Variants in SCAPER observed in about 807,000 individuals in gnomAD.
The protein encoded by SCAPER is S-phase cyclin A associated protein in the ER, also known as S phase cyclin A-associated protein in the endoplasmic reticulum.
A neutral mutation model predicts 182.2 loss-of-function variants in SCAPER; 98 were observed. That is an observed-to-expected ratio of 0.54 (90% CI 0.46 to 0.64). SCAPER has a LOEUF of 0.64. Ranked by LOEUF, SCAPER falls within the 30% of genes least tolerant of loss-of-function variation. The probability of loss-of-function intolerance (pLI) is 0.00; values close to 1 mark genes in which losing one functional copy is unlikely to be tolerated. For missense variants in SCAPER, 1,432 were observed against 1,690.0 expected, an observed-to-expected ratio of 0.85 and a Z score of 2.68; for synonymous variants, 605 against 564.6, an observed-to-expected ratio of 1.07 and a Z score of -1.01.
chr15:76,884,023 T>C (rs1278898323), intron 1 of SCAPER, 147 bp from the exon 2 acceptor site: 4 of 511,606 alleles, frequency 7.8e-6, no homozygotes, highest in East Asian at 3.7e-5. Flanking sequence ...GGGTATAATA[T>C]AGCATGCTTT....
At chr15:76,741,643 G>GA (rs570553435) in intron 15 of SCAPER, among the ~76,000 whole-genome samples, 3 of 152,044 alleles carry the variant, frequency 2.0e-5, no homozygotes, top group African/African-American at 7.2e-5. Flanking sequence ...GAAGATGTCA[G>GA]AAAAAATCAG....
intron 10 of SCAPER, among the ~76,000 whole-genome samples, chr15:76,769,741 G>A (rs891089827): frequency 1.5e-4 from 23 of 152,124 alleles, no homozygotes; most frequent in African/African-American, 5.6e-4. Context: ...TTCAACTATT[G>A]TGGAAGACTT....
At chr15:76,386,302 T>C (rs1047247126) in intron 27 of SCAPER, among the ~76,000 whole-genome samples, 2 of 152,312 alleles carry the variant, frequency 1.3e-5, no homozygotes, top group African/African-American at 2.4e-5. Flanking sequence ...GATTCAAATA[T>C]AGATACTATT....
At chr15:76,793,205 G>A in intron 8 of SCAPER, 1 of 1,154,036 alleles carries the variant, frequency 8.7e-7, no homozygotes, top group East Asian at 2.6e-5. Context: ...TATAGCTACT[G>A]TTATTATATA....
rs777525077 is a variant in SCAPER at position 76,779,385 on chromosome 15, C to T, written c.773-4268G>A. The stretch of plus-strand genomic sequence containing the variant: ...GGAACATTACTACAGATCTTCCACC[C>T]ATTAAAAGTATAAGAAAGGAATACT... On this transcript the variant is annotated intron_variant, in intron 8 of 31. Transcript: ENST00000563290. Among the ~76,000 whole-genome samples, 75 of 152,186 alleles carry T rather than the reference C, an allele frequency of 4.9e-4. 1 individual carries two copies. The highest frequency in any genetic ancestry group is 8.8e-4 in the Non-Finnish European group (60 of 67,986).
At chr15:76,516,216 T>A (rs533443892) in intron 23 of SCAPER, among the ~76,000 whole-genome samples, 69 of 151,922 alleles carry the variant, frequency 4.5e-4, no homozygotes, top group Middle Eastern at 3.4e-3. Context: ...TTTTAAAAAA[T>A]TTTTTAAATT....
chr15:76,546,355 GA>G lies in SCAPER; in HGVS notation c.2838+27802del, dbSNP rs543240937. On this transcript the variant is annotated intron_variant, in intron 23 of 31. Transcript: ENST00000563290. ...TATGTACCTACTGTCTACATCTAAA[GA>G]TGTTTTTTCAACTGTGCTTTTCTAA... is the stretch of plus-strand genomic sequence containing the variant. Among the ~76,000 whole-genome samples the G allele has an allele frequency of 2.1e-3, 325 of 152,042 alleles. 3 individuals carry two copies. The highest frequency in any genetic ancestry group is 7.3e-3 in the African/African-American group (301 of 41,490).
At chr15:76,375,548 T>A (rs2042498908) in intron 29 of SCAPER, among the ~76,000 whole-genome samples, 1 of 152,048 alleles carries the variant, frequency 6.6e-6, no homozygotes, top group Non-Finnish European at 1.5e-5. Context: ...GCAGACTCCA[T>A]GTGGTAAGGA....
chr15:76,623,883 G>A (rs765881101), intron 21 of SCAPER, among the ~76,000 whole-genome samples: 5 of 152,024 alleles, frequency 3.3e-5, no homozygotes, highest in Non-Finnish European at 5.9e-5. Context: ...ACCCTCAACA[G>A]ACTAGAATTG....
intron 5 of SCAPER, among the ~76,000 whole-genome samples, chr15:76,826,802 T>C (rs1718837789): frequency 6.6e-6 from 1 of 152,192 alleles, no homozygotes; most frequent in African/African-American, 2.4e-5. Context: ...TTGAATAAAA[T>C]ATAAGTCCAC....
At chr15:76,657,588 CA>C (rs35243291) in intron 21 of SCAPER, among the ~76,000 whole-genome samples, 36 of 129,810 alleles carry the variant, frequency 2.8e-4, no homozygotes, top group Admixed American at 4.6e-4. Context: ...GACACAACAA[CA>C]AAAAAAAAAA....
At chr15:76,873,375 CAGGCAGGCAGGCAT>C (rs2072911439) in intron 2 of SCAPER, among the ~76,000 whole-genome samples, 2 of 124,274 alleles carry the variant, frequency 1.6e-5, no homozygotes, top group African/African-American at 6.1e-5. Flanking sequence ...GGCAGGCAGG[CAGGCAGGCAGGCAT>C]CTCTAGGGTG....
chr15:76,525,973 A>C (rs1597199497), intron 23 of SCAPER, among the ~76,000 whole-genome samples: 1 of 152,176 alleles, frequency 6.6e-6, no homozygotes, highest in Non-Finnish European at 1.5e-5. Flanking sequence ...TTACGTTCCC[A>C]CCAACAGAGT....
chr15:76,702,356 A>C (rs987794524), intron 19 of SCAPER, among the ~76,000 whole-genome samples: 8 of 152,130 alleles, frequency 5.3e-5, no homozygotes, highest in African/African-American at 1.7e-4. Context: ...ATTCTTGAGC[A>C]CTTTTACTGC....
At chr15:76,508,840 T>C (rs1429778656) in intron 23 of SCAPER, among the ~76,000 whole-genome samples, 2 of 152,154 alleles carry the variant, frequency 1.3e-5, no homozygotes, top group Non-Finnish European at 2.9e-5. Flanking sequence ...GGTCAATCCT[T>C]CCTCCCTGAA....
chr15:76,668,297 T>C (rs2056773093), intron 20 of SCAPER, among the ~76,000 whole-genome samples: 1 of 152,178 alleles, frequency 6.6e-6, no homozygotes, highest in African/African-American at 2.4e-5. Context: ...CCATAGGTCT[T>C]TTCTCTATAA....
intron 22 of SCAPER, among the ~76,000 whole-genome samples, chr15:76,616,202 A>G (rs972916146): frequency 1.3e-5 from 2 of 152,240 alleles, no homozygotes; most frequent in African/African-American, 4.8e-5. Context: ...AGCATTATTC[A>G]TAATTGCTAA....
chr15:76,375,021 G>A (rs2042449042), intron 29 of SCAPER, among the ~76,000 whole-genome samples: 1 of 151,750 alleles, frequency 6.6e-6, no homozygotes, highest in Non-Finnish European at 1.5e-5. Context: ...GAGCCCAGGA[G>A]TTCAAGACCA....
intron 5 of SCAPER, among the ~76,000 whole-genome samples, chr15:76,817,630 A>G (rs2067193445): frequency 6.6e-6 from 1 of 152,234 alleles, no homozygotes; most frequent in Non-Finnish European, 1.5e-5. Context: ...GCTAGACTGC[A>G]GTAATCATTT....
Sources: gnomAD v4.1 joint callset for allele counts (sites outside exome capture counted in the v4.1 genomes callset) on GRCh38, gnomAD v4.1.1 for gene constraint, MANE v1.5 for transcripts, NCBI Gene and HGNC (gene_info 2026-07-23, HGNC 2026-07-21) for gene names.